TINAG: variants seen among roughly 807,000 people sequenced by gnomAD.
The protein encoded by TINAG is tubulointerstitial nephritis antigen.
TINAG carries 83 observed loss-of-function variants against 72.7 expected under a neutral mutation model. The observed-to-expected ratio is 1.14, with a 90% CI of 0.96 to 1.37. The LOEUF (loss-of-function observed/expected upper bound fraction) is 1.37. Among genes scored for constraint, TINAG ranks in the 40% most tolerant of loss-of-function variants. The pLI, the probability that TINAG is intolerant of heterozygous loss-of-function variation, is 0.00. For synonymous variants in TINAG, 234 were observed against 189.9 expected, an observed-to-expected ratio of 1.23 and a Z score of -1.91; for missense variants, 685 against 576.6, an observed-to-expected ratio of 1.19 and a Z score of -1.93.
intron 10 of TINAG, among the ~76,000 whole-genome samples, chr6:54,384,043 G>A (rs1414065229): frequency 6.6e-6 from 1 of 152,142 alleles, no homozygotes; most frequent in Non-Finnish European, 1.5e-5. Context: ...ATGAGTTTAT[G>A]TACTTTGCAG....
chr6:54,347,577 C>T lies in TINAG; in HGVS notation c.899+60C>T, dbSNP rs1016962754. 9 of 1,550,784 alleles carry T rather than the reference C, an allele frequency of 5.8e-6. No individual in the cohort carries two copies. The African/African-American group carries it at 1.2e-4, about 21-fold the overall frequency. ...TTATGAATGATGCATTGTGTTAGAA[C>T]AAGGAAAATAATCCCAAGATTTTTA... On this transcript the variant is annotated intron_variant, in intron 6 of 10. Transcript: ENST00000259782.
At chr6:54,356,617 GCT>G (rs376544969) in intron 9 of TINAG, among the ~76,000 whole-genome samples, 5 of 150,660 alleles carry the variant, frequency 3.3e-5, no homozygotes, top group African/African-American at 4.9e-5. Flanking sequence ...GTCTTCTCTT[GCT>G]CTCTCTCTCT....
chr6:54,324,997 G>C (rs1333691768), intron 3 of TINAG, among the ~76,000 whole-genome samples: 1 of 152,058 alleles, frequency 6.6e-6, no homozygotes, highest in African/African-American at 2.4e-5. Context: ...CTCTCTCCTA[G>C]TTTAAGCATT....
intron 1 of TINAG, among the ~76,000 whole-genome samples, chr6:54,312,494 T>A (rs999022427): frequency 1.3e-5 from 2 of 152,064 alleles, no homozygotes; most frequent in Admixed American, 6.6e-5. Context: ...AATGGAGAAA[T>A]GTAGATAAGT....
At chr6:54,386,265 A>G (rs1764097855) in intron 10 of TINAG, among the ~76,000 whole-genome samples, 1 of 152,208 alleles carries the variant, frequency 6.6e-6, no homozygotes, top group Non-Finnish European at 1.5e-5. Flanking sequence ...GTAACAAACT[A>G]TCACAGATTT....
intron 9 of TINAG, among the ~76,000 whole-genome samples, chr6:54,355,173 T>A (rs1327019147): frequency 1.3e-5 from 2 of 151,828 alleles, no homozygotes; most frequent in African/African-American, 4.8e-5. Context: ...AGTGAGTAAT[T>A]TTACAAGTAG....
intron 9 of TINAG, among the ~76,000 whole-genome samples, chr6:54,361,542 T>C (rs9367566): frequency 0.19 from 28,579 of 151,626 alleles, 2,834 homozygotes; most frequent in African/African-American, 0.22. Flanking sequence ...GATCCACTCC[T>C]ATGATCCAGT....
intron 4 of TINAG, among the ~76,000 whole-genome samples, chr6:54,339,361 A>G (rs1161790935): frequency 6.6e-6 from 1 of 152,150 alleles, no homozygotes; most frequent in Non-Finnish European, 1.5e-5. Context: ...CCAAGGTCAT[A>G]TAATGGTTCA....
chr6:54,386,007 T>C (rs1764089439), intron 10 of TINAG, among the ~76,000 whole-genome samples: 1 of 144,590 alleles, frequency 6.9e-6, no homozygotes, highest in South Asian at 2.4e-4. Context: ...TCTCCCTACC[T>C]CAGTCTCCCG....
At chr6:54,352,933 T>A (rs1310708729) in intron 8 of TINAG, among the ~76,000 whole-genome samples, 1 of 151,834 alleles carries the variant, frequency 6.6e-6, no homozygotes, top group Non-Finnish European at 1.5e-5. Context: ...CAACATTCAT[T>A]TAACAAAGAT....
At chr6:54,346,535 T>C (rs1303406576) in intron 5 of TINAG, among the ~76,000 whole-genome samples, 1 of 151,422 alleles carries the variant, frequency 6.6e-6, no homozygotes, top group African/African-American at 2.4e-5. Context: ...ATTGTATATA[T>C]ATAATTACAT....
At chr6:54,383,721 A>T (rs897685985) in intron 10 of TINAG, among the ~76,000 whole-genome samples, 1 of 152,188 alleles carries the variant, frequency 6.6e-6, no homozygotes, top group African/African-American at 2.4e-5. Context: ...TATTTTAAAA[A>T]ATTAAGAAAA....
Position 54,349,815 on chromosome 6 carries a change from T to C in TINAG, c.999T>C (p.His333=), listed in dbSNP as rs1785219308. 6.2e-7 allele frequency: 1 copy of C among 1,611,354 alleles called. No homozygotes were observed. Among genetic ancestry groups the C allele is most frequent in the African/African-American group, 1.3e-5 (1 of 74,900 alleles). The change falls in exon 7 of 11, where the codon CAT becomes CAC. Residue 333 remains histidine, a synonymous_variant. Transcript: ENST00000259782. ...GGTCTGATGGGCGAGGAAAACGGCA[T>C]GCCACGAAGCCATGTCCCAACAACG... ...ASRSDGRGKR[H]ATKPCPNNVE... is the part of the protein sequence containing the mutation.
At chr6:54,385,867 A>G (rs1764084046) in intron 10 of TINAG, among the ~76,000 whole-genome samples, 1 of 150,726 alleles carries the variant, frequency 6.6e-6, no homozygotes, top group African/African-American at 2.5e-5. Flanking sequence ...GTCAAGGAGA[A>G]AAAAAAACAT....
At chr6:54,348,843 T>C (rs74666497) in intron 6 of TINAG, among the ~76,000 whole-genome samples, 92 of 152,274 alleles carry the variant, frequency 6.0e-4, no homozygotes, top group African/African-American at 1.9e-3. Flanking sequence ...GTGTTTTCAA[T>C]GGTTTTGCTT....
At chr6:54,316,345 A>G (rs1784372507) in intron 1 of TINAG, among the ~76,000 whole-genome samples, 1 of 152,202 alleles carries the variant, frequency 6.6e-6, no homozygotes, top group African/African-American at 2.4e-5. Context: ...TAAAAAAATT[A>G]TAATTTAACC....
At chr6:54,357,944 C>A (rs906521304) in intron 9 of TINAG, among the ~76,000 whole-genome samples, 6 of 151,798 alleles carry the variant, frequency 4.0e-5, no homozygotes, top group Admixed American at 6.6e-5. Flanking sequence ...TATAAAGGGC[C>A]AACATATTCT....
chr6:54,363,408 G>A (rs1459153760), intron 9 of TINAG, among the ~76,000 whole-genome samples: 1 of 151,440 alleles, frequency 6.6e-6, no homozygotes, highest in Non-Finnish European at 1.5e-5. Context: ...GGAAGAGTTG[G>A]GAGATATGAG....
intron 3 of TINAG, among the ~76,000 whole-genome samples, chr6:54,322,655 T>C (rs895063628): frequency 1.3e-5 from 2 of 152,212 alleles, no homozygotes; most frequent in African/African-American, 4.8e-5. Context: ...CAAAGTTTTT[T>C]CTTGGAACAT....
Sources: gnomAD v4.1 joint callset for allele counts (sites outside exome capture counted in the v4.1 genomes callset) on GRCh38, gnomAD v4.1.1 for gene constraint, MANE v1.5 for transcripts, NCBI Gene and HGNC (gene_info 2026-07-23, HGNC 2026-07-21) for gene names.